The following AGBL1 variants were observed in gnomAD, a reference collection of about 807,000 sequenced individuals.
AGBL1 encodes AGBL carboxypeptidase 1.
AGBL1 carries 130 observed loss-of-function variants against 118.9 expected under a neutral mutation model. The observed-to-expected ratio is 1.09, with a 90% confidence interval of 0.95 to 1.26. AGBL1 has a LOEUF of 1.26. AGBL1 is among the 50% of genes most tolerant of loss of function. The pLI is 0.00. For synonymous variants in AGBL1, 555 were observed against 478.9 expected (o/e 1.16, Z -2.08); for missense variants, 1,584 against 1,298.1 (o/e 1.22, Z -3.38).
intron 16 of AGBL1, among the ~76,000 whole-genome samples, chr15:86,294,015 A>G (rs556854388): frequency 6.6e-6 from 1 of 152,048 alleles, no homozygotes; most frequent in Non-Finnish European, 1.5e-5. Flanking sequence ...CTGTCAGGGG[A>G]TGCAGTGCAG....
chr15:87,014,699 A>T lies in AGBL1; in HGVS notation c.3324-14126A>T, dbSNP rs139696934. On this transcript the variant is annotated intron_variant, in intron 24 of 24. Transcript: ENST00000441037. ...GATATTTCAATGCATTTTATTCCTGAACATTTTAAATGGAGAAGTTCTTTT... is the reference window on the plus strand; with the variant it reads ...GATATTTCAATGCATTTTATTCCTGTACATTTTAAATGGAGAAGTTCTTTT... Among the ~76,000 whole-genome samples, 73 of 152,280 alleles carry T rather than the reference A, an allele frequency of 4.8e-4. No homozygotes were observed. In the East Asian group the frequency reaches 0.013, roughly 27 times the overall value.
At chr15:86,853,755 G>A (rs1403017520) in intron 22 of AGBL1, among the ~76,000 whole-genome samples, 2 of 152,104 alleles carry the variant, frequency 1.3e-5, no homozygotes, top group East Asian at 1.9e-4. Flanking sequence ...TCAAAAGATC[G>A]CTTGTGCCCA....
Position 86,760,959 on chromosome 15 carries a change from G to A in AGBL1, c.3158+86523G>A, listed in dbSNP as rs543943521. Among the ~76,000 whole-genome samples, 16 of 152,208 alleles carry A rather than the reference G, an allele frequency of 1.1e-4. 1 individual carries two copies. The South Asian group carries it at 3.3e-3, about 32-fold the overall frequency. ...AATGCATTGGTAAGCACCCTTAAAAGGGTTAATCCAATAGCGATGTGTAGA... is the reference window on the plus strand; with the variant it reads ...AATGCATTGGTAAGCACCCTTAAAAAGGTTAATCCAATAGCGATGTGTAGA... On this transcript the variant is annotated intron_variant, in intron 22 of 22. Transcript: ENST00000614907.
chr15:86,247,239 T>G (rs1173811716), intron 6 of AGBL1, among the ~76,000 whole-genome samples: 1 of 152,254 alleles, frequency 6.6e-6, no homozygotes, highest in South Asian at 2.1e-4. Context: ...AATTACTTAT[T>G]ATGCTGACTT....
intron 19 of AGBL1, among the ~76,000 whole-genome samples, chr15:86,524,063 G>A (rs1234370522): frequency 1.3e-5 from 2 of 152,140 alleles, no homozygotes; most frequent in African/African-American, 4.8e-5. Flanking sequence ...CAAAAAGGTG[G>A]CACATTCAAT....
chr15:86,468,480 A>G (rs1322802406), intron 18 of AGBL1, among the ~76,000 whole-genome samples: 2 of 152,144 alleles, frequency 1.3e-5, no homozygotes, highest in Admixed American at 6.5e-5. Flanking sequence ...GGCTAATTCC[A>G]GGGGCAGGTC....
At chr15:86,903,911 C>G (rs1402394171) in intron 22 of AGBL1, among the ~76,000 whole-genome samples, 1 of 151,064 alleles carries the variant, frequency 6.6e-6, no homozygotes. Flanking sequence ...CCCACACAAC[C>G]TCCACTGATA....
intron 21 of AGBL1, among the ~76,000 whole-genome samples, chr15:86,580,360 C>G (rs2084156444): frequency 6.6e-6 from 1 of 152,106 alleles, no homozygotes. Flanking sequence ...TCTGAGTCAA[C>G]TTAACTATGT....
intron 22 of AGBL1, among the ~76,000 whole-genome samples, chr15:86,752,631 A>G (rs1260361015): frequency 1.3e-5 from 2 of 152,054 alleles, no homozygotes; most frequent in Non-Finnish European, 2.9e-5. Flanking sequence ...GAGGCTGGGC[A>G]GGAAGGCTCC....
In AGBL1 at chr15:86,837,940, T is replaced by C. The variant is rs76591130; in HGVS notation, c.3159-69147T>C. On this transcript the variant is annotated intron_variant, in intron 22 of 22. Transcript: ENST00000614907. ...CCTACCTTTGTTTGCATCTGTTCTC[T>C]GTGCAATCCGGAATGTAGGGAACAC... Among the ~76,000 whole-genome samples, 1,315 of 152,326 alleles carry C rather than the reference T, an allele frequency of 8.6e-3. 30 individuals carry two copies. Among genetic ancestry groups the C allele is most frequent in the Middle Eastern group, 0.031 (9 of 294 alleles).
At chr15:86,880,957 T>A (rs1421842851) in intron 22 of AGBL1, among the ~76,000 whole-genome samples, 2 of 152,126 alleles carry the variant, frequency 1.3e-5, no homozygotes, top group South Asian at 2.1e-4. Context: ...AGGGGGCGTC[T>A]GTGTGTTCTT....
chr15:86,712,272 C>T (rs533490060), intron 22 of AGBL1, among the ~76,000 whole-genome samples: 1 of 151,890 alleles, frequency 6.6e-6, no homozygotes, highest in Admixed American at 6.6e-5. Context: ...GTCCCAGCCT[C>T]GTTTTGTAAG....
chr15:86,894,210 C>T (rs772722085), intron 22 of AGBL1, among the ~76,000 whole-genome samples: 5 of 152,116 alleles, frequency 3.3e-5, no homozygotes, highest in Non-Finnish European at 7.4e-5. Flanking sequence ...GTGGAACTAC[C>T]GTTTGATTTC....
intron 22 of AGBL1, among the ~76,000 whole-genome samples, chr15:86,717,985 G>A (rs2086662796): frequency 6.6e-6 from 1 of 152,188 alleles, no homozygotes; most frequent in Non-Finnish European, 1.5e-5. Context: ...GGCTGAGGTA[G>A]GAGAATCACT....
chr15:86,710,763 C>G (rs2086542280), intron 22 of AGBL1, among the ~76,000 whole-genome samples: 2 of 152,242 alleles, frequency 1.3e-5, no homozygotes, highest in South Asian at 2.1e-4. Context: ...TAGAAAGAAA[C>G]ATAGCAATTC....
intron 22 of AGBL1, among the ~76,000 whole-genome samples, chr15:86,685,628 C>A (rs767079455): frequency 2.0e-5 from 3 of 151,802 alleles, no homozygotes; most frequent in Admixed American, 6.6e-5. Context: ...TATCTTAAAG[C>A]AAGTTTAGAA....
chr15:86,145,729 G>T (rs998562986), intron 3 of AGBL1, among the ~76,000 whole-genome samples: 1 of 152,198 alleles, frequency 6.6e-6, no homozygotes, highest in Admixed American at 6.5e-5. Context: ...GATATTTACT[G>T]CATGTCTCCT....
intron 22 of AGBL1, among the ~76,000 whole-genome samples, chr15:86,703,811 C>T (rs745644359): frequency 6.6e-6 from 1 of 152,044 alleles, no homozygotes; most frequent in Non-Finnish European, 1.5e-5. Flanking sequence ...GCCTCCCTGC[C>T]CATGTGGAAG....
At chr15:86,862,744 A>G (rs115721235) in intron 22 of AGBL1, among the ~76,000 whole-genome samples, 1,721 of 152,268 alleles carry the variant, frequency 0.011, 38 homozygotes, top group African/African-American at 0.039. Flanking sequence ...AACAAATACG[A>G]ATACAAAAAC....
Sources: gnomAD v4.1 joint callset for allele counts (sites outside exome capture counted in the v4.1 genomes callset) on GRCh38, gnomAD v4.1.1 for gene constraint, MANE v1.5 for transcripts, NCBI Gene and HGNC (gene_info 2026-07-23, HGNC 2026-07-21) for gene names.